The following PABPC4 variants were observed in gnomAD, a reference collection of about 807,000 sequenced individuals.
PABPC4 encodes poly(A) binding protein cytoplasmic 4.
PABPC4 carries 15 observed loss-of-function variants against 74.5 expected under a neutral mutation model. That is an observed-to-expected ratio of 0.20 (90% confidence interval 0.13 to 0.31). PABPC4 has a LOEUF of 0.31. Ranked by LOEUF, PABPC4 falls within the 10% of genes least tolerant of loss-of-function variation. The pLI is 1.00. For missense variants in PABPC4, 610 were observed against 853.5 expected (o/e 0.71, Z 3.55); for synonymous variants, 345 against 303.0 (o/e 1.14, Z -1.44).
At position 39,576,593 on chromosome 1, in the gene PABPC4, C is replaced by A. The variant is rs1646030109; in HGVS notation, c.-642G>T. ...GGAGACCGACGGACGCCAAGCGCTG[C>A]GGCGGCGGGCGCGGGGCAGGCCGGA... On this transcript the variant is annotated 5_prime_UTR_variant, in exon 1 of 16. Transcript: ENST00000372858. 1 of 149,120 alleles carries A rather than the reference C, an allele frequency of 6.7e-6. No homozygotes were observed. The highest frequency in any genetic ancestry group is 2.4e-5 in the African/African-American group (1 of 41,018). 9.2% of individuals were successfully genotyped at this position (149,120 alleles called of 1,614,324 possible).
At chr1:39,574,057 G>T (rs1404021484) in intron 1 of PABPC4, among the ~76,000 whole-genome samples, 1 of 152,088 alleles carries the variant, frequency 6.6e-6, no homozygotes, top group Non-Finnish European at 1.5e-5. Context: ...ACTTAAAGGG[G>T]GGACAAAATT....
In PABPC4 at chr1:39,576,455, G is replaced by T; in HGVS notation, c.-504C>A. ...CGGCGAGCCCCGGGCGGGCGGCGAA[G>T]GGCAGCACGGACACGTGGTGCGCCG... On this transcript the variant is annotated 5_prime_UTR_variant, in exon 1 of 16. Transcript: ENST00000372858. 6.6e-6 allele frequency: 1 copy of T among 150,998 alleles called. No homozygotes were observed. Among genetic ancestry groups the T allele is most frequent in the South Asian group, 1.9e-4 (1 of 5,320 alleles). The allele number at this position is 150,998 out of a possible 1,614,324, so 9.4% of individuals were successfully genotyped here.
intron 6 of PABPC4, 183 bp downstream of exon 6, chr1:39,568,619 T>C: frequency 2.0e-6 from 1 of 509,238 alleles, no homozygotes. Context: ...ATCTCTTGTT[T>C]CTGGTTCTAT....
intron 7 of PABPC4, among the ~76,000 whole-genome samples, chr1:39,567,193 A>G (rs559747222): frequency 2.8e-4 from 42 of 152,212 alleles, no homozygotes; most frequent in Non-Finnish European, 4.8e-4. Flanking sequence ...TATCTTTAAA[A>G]TGAGGTTCCT....
intron 1 of PABPC4, among the ~76,000 whole-genome samples, chr1:39,573,851 TA>T (rs1174491243): frequency 1.3e-5 from 2 of 152,058 alleles, no homozygotes; most frequent in South Asian, 2.1e-4. Context: ...AACCAAAAGC[TA>T]AAAAATAACA....
At chr1:39,575,727 C>G in intron 1 of PABPC4, 32 bp downstream of exon 1, 1 of 1,499,442 alleles carries the variant, frequency 6.7e-7, no homozygotes, top group Non-Finnish European at 9.0e-7. Flanking sequence ...CCTCCGGGCT[C>G]CCACGCACGT....
At position 39,569,882 on chromosome 1, in the gene PABPC4, T is replaced by C. The variant is rs748694041; in HGVS notation, c.624A>G (p.Lys208=). Residue 208 remains lysine, a synonymous_variant, in exon 4 of 16, where the codon AAA becomes AAG. Transcript: ENST00000372858. The part of the protein sequence containing the change: ...FGEEVDDESL[K]ELFSQFGKTL... ...ACTTACCAAACTGACTGAATAGCTC[T>C]TTCAGACTCTCATCATCCACCTCTT... 1.2e-6 allele frequency: 2 copies of C among 1,613,994 alleles called. No homozygotes were observed. The highest frequency in any genetic ancestry group is 1.7e-6 in the Non-Finnish European group (2 of 1,180,048).
At chr1:39,562,738 A>C (rs890768020) in intron 12 of PABPC4, 1 of 262,476 alleles carries the variant, frequency 3.8e-6, no homozygotes, top group African/African-American at 2.2e-5. Flanking sequence ...GTTACTCAAG[A>C]ATGAAAAGCC....
At chr1:39,561,286 A>C (rs1215931194) in intron 15 of PABPC4, 164 bp from the exon 16 acceptor site, 1 of 351,148 alleles carries the variant, frequency 2.8e-6, no homozygotes, top group African/African-American at 2.1e-5. Flanking sequence ...ACTGTACAAC[A>C]TTTAGCAGCA....
At chr1:39,564,371 C>T (rs1418192873) in intron 10 of PABPC4, 52 bp downstream of exon 10, 26 of 1,598,896 alleles carry the variant, frequency 1.6e-5, no homozygotes, top group Non-Finnish European at 2.1e-5. Flanking sequence ...AGAGCCTAGT[C>T]ATCCTGACTC....
At chr1:39,568,708 C>T in intron 6 of PABPC4, 94 bp downstream of exon 6, 1 of 1,192,476 alleles carries the variant, frequency 8.4e-7, no homozygotes, top group South Asian at 1.4e-5. Flanking sequence ...GAACACACTC[C>T]AAGTCCTCAA....
intron 2 of PABPC4, 173 bp from the exon 3 acceptor site, chr1:39,571,522 T>TC (rs2124463944): frequency 1.5e-6 from 1 of 652,330 alleles, no homozygotes; most frequent in South Asian, 1.9e-5. Flanking sequence ...TAGTAAGTGT[T>TC]CCATTTACAA....
At chr1:39,564,346 T>C (rs944997429) in intron 10 of PABPC4, 77 bp downstream of exon 10, 27 of 1,538,260 alleles carry the variant, frequency 1.8e-5, no homozygotes, top group Non-Finnish European at 2.3e-5. Flanking sequence ...CCCAACAAAC[T>C]GACCAACCCA....
At chr1:39,564,803 C>A in intron 8 of PABPC4, 30 bp from the exon 9 acceptor site, 5 of 1,537,024 alleles carry the variant, frequency 3.3e-6, no homozygotes, top group African/African-American at 1.4e-5. Flanking sequence ...CCAAACACCC[C>A]CTTAAGGACT....
chr1:39,574,110 G>A (rs568115511), intron 1 of PABPC4, among the ~76,000 whole-genome samples: 33 of 152,196 alleles, frequency 2.2e-4, no homozygotes, highest in Admixed American at 1.4e-3. Context: ...TTCATTAGCC[G>A]GGAGAATTTA....
rs577000547 is a variant in PABPC4, at chr1:39,572,163, A to T, written c.387+230T>A. On this transcript the variant is annotated intron_variant, in intron 2 of 15. Coordinates refer to ENST00000372858, the MANE Select transcript of PABPC4 (RefSeq NM_001135653.2). ...AAACGTGGGCTTTCCAAAGCTAAAG[A>T]ATAGGAAGGATATTTCAGGCTGAGT... 2.6e-5 allele frequency among the ~76,000 whole-genome samples: 4 copies of T among 152,312 alleles called. No homozygotes were observed. The South Asian group carries it at 8.3e-4, about 32-fold the overall frequency.
chr1:39,570,440 AAATTT>A (rs1645923137), intron 3 of PABPC4: 1 of 159,698 alleles, frequency 6.3e-6, no homozygotes, highest in South Asian at 2.0e-4. Flanking sequence ...ACTTAAAAGA[AAATTT>A]ATCCATGCAC....
rs1484717981 is a variant in PABPC4 at position 39,576,083 on chromosome 1, C to G, written c.-132G>C. ...GTGGCACCGGCGCGGCGAGGACGAG[C>G]TGGAGTCGGCGGGCTTGGAGACGGG... On this transcript the variant is annotated 5_prime_UTR_variant, in exon 1 of 16. Coordinates refer to ENST00000372858, the MANE Select transcript of PABPC4 (RefSeq NM_001135653.2). 1 of 609,388 alleles carries G rather than the reference C, an allele frequency of 1.6e-6. No individual in the cohort carries two copies. The highest frequency in any genetic ancestry group is 2.7e-6 in the Non-Finnish European group (1 of 371,624). 37.7% of individuals were successfully genotyped at this position (609,388 alleles called of 1,614,324 possible). A position where few individuals can be genotyped will look rare whatever the true frequency, so the allele number is the denominator to read the frequency against.
At chr1:39,564,104 A>AT in intron 10 of PABPC4, 182 bp from the exon 11 acceptor site, 1 of 630,872 alleles carries the variant, frequency 1.6e-6, no homozygotes, top group Non-Finnish European at 2.8e-6. Context: ...TACAAGACAT[A>AT]TTCTGTATAC....
Sources: allele counts gnomAD v4.1 joint callset (sites outside exome capture counted in the v4.1 genomes callset), GRCh38; gene constraint gnomAD v4.1.1; transcripts MANE v1.5; gene names NCBI Gene and HGNC (gene_info 2026-07-23, HGNC 2026-07-21).